The following SMTN variants were observed in gnomAD, a reference collection of about 807,000 sequenced individuals.
SMTN encodes the protein smoothelin.
SMTN carries 58 observed loss-of-function variants against 102.0 expected under a neutral mutation model. That is an observed-to-expected ratio of 0.57 (90% CI 0.46 to 0.71). SMTN has a LOEUF of 0.71. Ranked by LOEUF, SMTN falls within the 30% of genes least tolerant of loss-of-function variation. The probability of loss-of-function intolerance (pLI) is 0.00; values close to 1 mark genes in which losing one functional copy is unlikely to be tolerated. For synonymous variants in SMTN, 478 were observed against 497.9 expected (o/e 0.96, Z 0.53); for missense variants, 1,185 against 1,241.7 (o/e 0.95, Z 0.69).
At chr22:31,086,034 G>A (rs1453887852) in intron 2 of SMTN, among the ~76,000 whole-genome samples, 2 of 152,196 alleles carry the variant, frequency 1.3e-5, no homozygotes, top group Non-Finnish European at 2.9e-5. Context: ...TACAGAAGGG[G>A]CTGGACCCTC....
rs367634300 is a variant in SMTN at position 31,090,810 on chromosome 22, G to A, written c.868G>A (p.Val290Met). ...RGPSDTKRAD[V>M]AGPRPCQRSL... The stretch of plus-strand genomic sequence containing the variant: ...TCACCCCCTCCCCAACCTGCCAGAC[G>A]TGGCTGGACCCCGACCCTGCCAACG... Residue 290 changes from valine to methionine, a missense_variant and splice_region_variant, in exon 9 of 21, where the codon GTG becomes ATG. Physicochemically the swap from Val to Met is conservative, Grantham distance 21. Transcript: ENST00000333137. The A allele has an allele frequency of 9.0e-5, 145 of 1,613,072 alleles. No individual in the cohort carries two copies. In the South Asian group the frequency reaches 1.3e-3, roughly 15 times the overall value.
At chr22:31,067,167 C>T (rs2041870713) in intron 1 of SMTN, 1 of 152,032 alleles carries the variant, frequency 6.6e-6, no homozygotes, top group South Asian at 2.1e-4. Flanking sequence ...AGCTTAAACT[C>T]CTGGGCTAAA....
At chr22:31,100,863 C>T (rs752187741) in intron 19 of SMTN, 22 bp from the exon 20 acceptor site, 9 of 601,864 alleles carry the variant, frequency 1.5e-5, no homozygotes, top group Admixed American at 5.3e-5. Flanking sequence ...CCCACCCCTT[C>T]CCGGCCCCCT....
At chr22:31,065,696 C>T (rs554144793) in intron 1 of SMTN, 1 of 151,416 alleles carries the variant, frequency 6.6e-6, no homozygotes, top group Non-Finnish European at 1.5e-5. Flanking sequence ...GTCTACTTTT[C>T]TTCAGTAAAT....
chr22:31,082,721 A>T, intron 1 of SMTN: 2 of 711,374 alleles, frequency 2.8e-6, no homozygotes, highest in South Asian at 3.6e-5. Context: ...TGGCAGCAAG[A>T]ACTACGGGTT....
intron 1 of SMTN, among the ~76,000 whole-genome samples, chr22:31,073,832 T>TA (rs2075957326): frequency 6.6e-6 from 1 of 152,236 alleles, no homozygotes; most frequent in Non-Finnish European, 1.5e-5. Flanking sequence ...TGGGCTCAGC[T>TA]AAAGATTTTT....
chr22:31,070,092 G>C (rs1344769805), intron 1 of SMTN, among the ~76,000 whole-genome samples: 1 of 152,116 alleles, frequency 6.6e-6, no homozygotes. Context: ...GTGGGGTAGT[G>C]AGGACAGCAA....
chr22:31,085,094 G>A, intron 2 of SMTN: 1 of 1,534,890 alleles, frequency 6.5e-7, no homozygotes, highest in Non-Finnish European at 8.7e-7. Flanking sequence ...GGGGACGCCT[G>A]GGGACTTGCA....
chr22:31,089,185 A>C (rs972438423), intron 6 of SMTN, among the ~76,000 whole-genome samples: 1 of 152,070 alleles, frequency 6.6e-6, no homozygotes, highest in East Asian at 1.9e-4. Flanking sequence ...CTCACCCTCC[A>C]CACAGCCCAC....
At position 31,091,154 on chromosome 22, in the gene SMTN, C is replaced by T; in HGVS notation, c.1131C>T (p.Ser377=). The T allele has an allele frequency of 6.2e-7, 1 of 1,613,872 alleles. No homozygotes were observed. Among genetic ancestry groups the T allele is most frequent in the Admixed American group, 1.7e-5 (1 of 60,016 alleles). ...TCACCAGCACCACCCCTGCCTCCTC[C>T]TCCAGCGGCTCCTCCTCTCGGGGCC... is the stretch of plus-strand genomic sequence containing the variant. ...PSLTSTTPAS[S]SSGSSSRGPS... The change falls in exon 10 of 21, where the codon TCC becomes TCT. Residue 377 remains serine (S), a synonymous_variant. Coordinates refer to ENST00000333137, the MANE Select transcript of SMTN (RefSeq NM_134269.3).
chr22:31,085,192 T>A, intron 2 of SMTN: 1 of 1,535,446 alleles, frequency 6.5e-7, no homozygotes, highest in Non-Finnish European at 8.7e-7. Context: ...CTGGGTGTCC[T>A]GGGGACCTTG....
At chr22:31,101,929 T>G (rs905267950) in intron 20 of SMTN, 1 of 151,664 alleles carries the variant, frequency 6.6e-6, no homozygotes, top group African/African-American at 2.4e-5. Context: ...ATGGACTAGA[T>G]GACTGGAATA....
At chr22:31,093,642 G>T in intron 11 of SMTN, 1 of 777,064 alleles carries the variant, frequency 1.3e-6, no homozygotes, top group Non-Finnish European at 2.4e-6. Flanking sequence ...GAGCAGCACT[G>T]AGCCGGCGGC....
intron 1 of SMTN, among the ~76,000 whole-genome samples, chr22:31,074,535 A>G (rs1450209412): frequency 6.6e-6 from 1 of 152,136 alleles, no homozygotes; most frequent in Non-Finnish European, 1.5e-5. Flanking sequence ...CACACCTGTA[A>G]TCCCAGCACT....
Position 31,090,846 on chromosome 22 carries a change from G to T in SMTN, c.904G>T (p.Val302Leu). The change falls in exon 9 of 21, where the codon GTG (valine) becomes TTG (leucine). Residue 302 changes from valine (V) to leucine (L), a missense_variant. Coordinates refer to ENST00000333137, the MANE Select transcript of SMTN (RefSeq NM_134269.3). ...GPRPCQRSLS[V>L]LSPRQPAQNR... is the part of the protein sequence containing the mutation. ...CCGACCCTGCCAACGCTCCCTGTCGGTGCTCAGCCCCCGCCAACCAGCCCA... is the reference window on the plus strand; with the variant it reads ...CCGACCCTGCCAACGCTCCCTGTCGTTGCTCAGCCCCCGCCAACCAGCCCA... 6.2e-7 allele frequency: 1 copy of T among 1,613,880 alleles called. No individual in the cohort carries two copies. The highest frequency in any genetic ancestry group is 1.3e-5 in the African/African-American group (1 of 74,938).
intron 11 of SMTN, chr22:31,093,827 T>A (rs1445768333): frequency 6.3e-7 from 1 of 1,591,308 alleles, no homozygotes; most frequent in Admixed American, 1.7e-5. Context: ...CCACCTGCCT[T>A]CAGCACCCGC....
At chr22:31,072,528 C>G (rs778796123) in intron 1 of SMTN, among the ~76,000 whole-genome samples, 4 of 152,106 alleles carry the variant, frequency 2.6e-5, no homozygotes, top group Non-Finnish European at 4.4e-5. Context: ...AATGCACGAT[C>G]TCAGTTCACT....
chr22:31,096,927 C>G, intron 14 of SMTN, 30 bp downstream of exon 14: 1 of 1,611,300 alleles, frequency 6.2e-7, no homozygotes, highest in South Asian at 1.1e-5. Context: ...CGGCCCAGGG[C>G]TCAGGGTGGG....
At chr22:31,085,377 C>G (rs2042618269) in intron 2 of SMTN, 6 of 1,258,480 alleles carry the variant, frequency 4.8e-6, no homozygotes. Flanking sequence ...GGCTTCCCTC[C>G]ACCGCCGGCG....
Sources: gnomAD v4.1 joint callset for allele counts (sites outside exome capture counted in the v4.1 genomes callset) on GRCh38, gnomAD v4.1.1 for gene constraint, MANE v1.5 for transcripts, NCBI Gene and HGNC (gene_info 2026-07-23, HGNC 2026-07-21) for gene names.